Variants in PFKFB3 observed in about 807,000 individuals in gnomAD.
PFKFB3 encodes 6-phosphofructo-2-kinase/fructose-2,6-bisphosphatase 3.
Under a neutral mutation model 68.0 loss-of-function variants are expected in PFKFB3, and 33 were observed. The ratio of observed to expected loss-of-function variants is 0.49; its 90% CI spans 0.37 to 0.65. PFKFB3 has a LOEUF of 0.65. Ranked by LOEUF, PFKFB3 falls within the 30% of genes least tolerant of loss-of-function variation. The pLI, the probability that PFKFB3 is intolerant of heterozygous loss-of-function variation, is 0.00. For missense variants in PFKFB3, 586 were observed against 712.2 expected (o/e 0.82, Z 2.02); for synonymous variants, 315 against 288.2 (o/e 1.09, Z -0.94).
At chr10:6,302,367 T>G in the PFKFB3 span, among the ~76,000 whole-genome samples, 3 of 12,298 alleles carry the variant, frequency 2.4e-4, no homozygotes, top group Non-Finnish European at 4.9e-4. Context: ...GGCCAGTTTT[T>G]TTTTTTTTTT....
At position 6,213,699 on chromosome 10, in the gene PFKFB3, C is replaced by T; in HGVS notation, c.153C>T (p.Ile51=). The change falls in exon 2 of 15, where the codon ATC becomes ATT. Residue 51 remains isoleucine, a synonymous_variant. Transcript: ENST00000379775. ...TCCCCGCCCGGGGCAAGACCTACATCTCCAAGAAGCTGACTCGCTACCTCA... is the reference window on the plus strand; with the variant it reads ...TCCCCGCCCGGGGCAAGACCTACATTTCCAAGAAGCTGACTCGCTACCTCA... ...VGLPARGKTY[I]SKKLTRYLNW... The T allele has an allele frequency of 6.2e-7, 1 of 1,613,728 alleles. No individual in the cohort carries two copies.
At chr10:6,278,282 G>T in the PFKFB3 span, among the ~76,000 whole-genome samples, 2,074 of 149,342 alleles carry the variant, frequency 0.014, 45 homozygotes, top group African/African-American at 0.04. Flanking sequence ...ATTTTTTTTT[G>T]TTGTTGTTGT....
intron 1 of PFKFB3, among the ~76,000 whole-genome samples, chr10:6,156,129 A>ATGTGTGTATG (rs373582528): frequency 0.015 from 1,475 of 96,954 alleles, 26 homozygotes; most frequent in African/African-American, 0.039. Flanking sequence ...GTACATATAT[A>ATGTGTGTATG]TGTGTGTGTG....
Position 6,234,855 on chromosome 10 carries a change from C to G in PFKFB3, c.*1913C>G, listed in dbSNP as rs1310948924. On this transcript the variant is annotated 3_prime_UTR_variant, in exon 15 of 15. Transcript: ENST00000379775. ...CCCTCTGACTACCTAAAATCAATAC[C>G]TAAATACAGAAGCCTTGGTCTAACA... The G allele has an allele frequency of 5.3e-5, 8 of 152,280 alleles. No homozygotes were observed. The highest frequency in any genetic ancestry group is 1.9e-4 in the African/African-American group (8 of 41,398). The allele number at this position is 152,280 out of a possible 1,614,324, so 9.4% of individuals were successfully genotyped here. A position where few individuals can be genotyped will look rare whatever the true frequency, so the allele number is the denominator to read the frequency against.
chr10:6,255,172 T>G (rs1284544497), downstream of PFKFB3, among the ~76,000 whole-genome samples: 1 of 151,488 alleles, frequency 6.6e-6, no homozygotes, highest in Non-Finnish European at 1.5e-5. Flanking sequence ...TTACCCAGGC[T>G]GGAGTGCAGT....
At chr10:6,254,051 G>A in intron 14 of PFKFB3, 1 of 392,750 alleles carries the variant, frequency 2.5e-6, no homozygotes, top group Non-Finnish European at 4.5e-6. Context: ...CAAAAAAAGG[G>A]TGATGAGGAA....
At chr10:6,299,907 G>A in the PFKFB3 span, among the ~76,000 whole-genome samples, 45 of 148,594 alleles carry the variant, frequency 3.0e-4, no homozygotes, top group East Asian at 5.7e-3. Context: ...ATTTTAAGGC[G>A]TCGATTTGGA....
At chr10:6,295,310 C>T in the PFKFB3 span, among the ~76,000 whole-genome samples, 1 of 152,194 alleles carries the variant, frequency 6.6e-6, no homozygotes, top group Non-Finnish European at 1.5e-5. Context: ...CAACCTCTGC[C>T]TCCAGGGTTC....
the PFKFB3 span, among the ~76,000 whole-genome samples, chr10:6,274,300 T>C: frequency 7.9e-5 from 12 of 152,210 alleles, no homozygotes; most frequent in African/African-American, 2.9e-4. Context: ...TGAAGCTTTT[T>C]TGTGTGTGCT....
intron 14 of PFKFB3, among the ~76,000 whole-genome samples, chr10:6,252,692 T>G (rs1007183670): frequency 6.6e-6 from 1 of 152,154 alleles, no homozygotes; most frequent in African/African-American, 2.4e-5. Flanking sequence ...TTAAAAATAA[T>G]GGGGTCATAT....
At chr10:6,294,987 T>A in the PFKFB3 span, among the ~76,000 whole-genome samples, 5 of 151,590 alleles carry the variant, frequency 3.3e-5, no homozygotes, top group African/African-American at 9.7e-5. Context: ...TTTTTTTTTT[T>A]ATCATGCCTT....
chr10:6,153,059 G>C (rs1841645960), intron 1 of PFKFB3, among the ~76,000 whole-genome samples: 1 of 152,072 alleles, frequency 6.6e-6, no homozygotes, highest in African/African-American at 2.4e-5. Context: ...GTGGGTGTCT[G>C]TAATCCCAGC....
intron 14 of PFKFB3, chr10:6,231,367 G>A (rs1845732134): frequency 8.1e-6 from 13 of 1,610,330 alleles, no homozygotes; most frequent in Non-Finnish European, 1.1e-5. Flanking sequence ...CGGCATCTGG[G>A]TCTGTGTGCA....
Position 6,234,698 on chromosome 10 carries a change from C to T in PFKFB3, c.*1756C>T, listed in dbSNP as rs1845929454. 1.3e-5 allele frequency: 2 copies of T among 152,216 alleles called. No individual in the cohort carries two copies. Among genetic ancestry groups the T allele is most frequent in the African/African-American group, 2.4e-5 (1 of 41,378 alleles). 9.4% of individuals were successfully genotyped at this position (152,216 alleles called of 1,614,324 possible). On this transcript the variant is annotated 3_prime_UTR_variant, in exon 15 of 15. Coordinates refer to ENST00000379775, the MANE Select transcript of PFKFB3 (RefSeq NM_004566.4). ...TTGTGCTTAACTTGGTTGTATTTTT[C>T]GATTTGACATGGAAGGCCTGTTGCT...
rs1436379338 is a variant in PFKFB3 at position 6,206,468 on chromosome 10, T to C, written c.76+3132T>C. Among the ~76,000 whole-genome samples, 20 of 114,462 alleles carry C rather than the reference T, an allele frequency of 1.7e-4. 1 individual carries two copies. The highest frequency in any genetic ancestry group is 5.9e-4 in the South Asian group (2 of 3,414). 75.1% of individuals were successfully genotyped at this position (114,462 alleles called of 152,430 possible). Reference sequence around the variant, plus strand: ...GGCCCGTTCTCAATGAGCTGTTGGGTACACCTCCCAGACGGGGTGGTGGCC... The same window carrying C: ...GGCCCGTTCTCAATGAGCTGTTGGGCACACCTCCCAGACGGGGTGGTGGCC... On this transcript the variant is annotated intron_variant, in intron 1 of 14. Coordinates refer to ENST00000379775, the MANE Select transcript of PFKFB3 (RefSeq NM_004566.4).
At chr10:6,145,089 C>A in intron 1 of PFKFB3, 2 of 1,180,094 alleles carry the variant, frequency 1.7e-6, no homozygotes, top group Non-Finnish European at 2.2e-6. Flanking sequence ...GTACCCGAGC[C>A]TTGGGTCCTC....
At chr10:6,193,459 CCTT>C (rs1453152263) in intron 1 of PFKFB3, among the ~76,000 whole-genome samples, 4 of 152,344 alleles carry the variant, frequency 2.6e-5, no homozygotes, top group African/African-American at 9.6e-5. Flanking sequence ...AGATTGAACA[CCTT>C]CTCCATGTCG....
the PFKFB3 span, among the ~76,000 whole-genome samples, chr10:6,283,948 T>A: frequency 6.6e-6 from 1 of 152,122 alleles, no homozygotes; most frequent in Admixed American, 6.6e-5. Flanking sequence ...CTCATTACCC[T>A]ATGCTTATAA....
At chr10:6,223,434 C>CT (rs978118425) in intron 11 of PFKFB3, among the ~76,000 whole-genome samples, 2 of 152,210 alleles carry the variant, frequency 1.3e-5, no homozygotes, top group African/African-American at 4.8e-5. Flanking sequence ...TTTCCCAACT[C>CT]TAAGTCACCG....
Sources: allele counts gnomAD v4.1 joint callset (sites outside exome capture counted in the v4.1 genomes callset), GRCh38; gene constraint gnomAD v4.1.1; transcripts MANE v1.5; gene names NCBI Gene and HGNC (gene_info 2026-07-23, HGNC 2026-07-21).